The following YEATS2 variants were observed in gnomAD, a reference collection of about 807,000 sequenced individuals.
YEATS2 encodes YEATS domain containing 2.
Under a neutral mutation model 163.2 loss-of-function variants are expected in YEATS2, and 77 were observed. The observed-to-expected ratio is 0.47, with a 90% CI of 0.39 to 0.57. YEATS2 has a LOEUF of 0.57. Ranked by LOEUF, YEATS2 falls within the 20% of genes least tolerant of loss-of-function variation. The probability of loss-of-function intolerance (pLI) is 0.00; values close to 1 mark genes in which losing one functional copy is unlikely to be tolerated. For missense variants in YEATS2, 1,549 were observed against 1,729.8 expected, an observed-to-expected ratio of 0.90 and a Z score of 1.85; for synonymous variants, 631 against 645.1, an observed-to-expected ratio of 0.98 and a Z score of 0.33.
rs145751402 is a variant in YEATS2 at position 183,791,222 on chromosome 3, A to T, written c.3097+242A>T. On this transcript the variant is annotated intron_variant, in intron 21 of 30. Coordinates refer to ENST00000305135, the MANE Select transcript of YEATS2 (RefSeq NM_018023.5). ...CTAATTTTTTGTGTTTTTGGTAGAG[A>T]TGGGGTTTCACCACGTTGCCCAGGC... 3.3e-5 allele frequency among the ~76,000 whole-genome samples: 5 copies of T among 152,234 alleles called. No homozygotes were observed. The East Asian group carries it at 9.7e-4, about 29-fold the overall frequency.
At position 183,811,875 on chromosome 3, in the gene YEATS2, G is replaced by T. The variant is rs542965426; in HGVS notation, c.*1292G>T. 1 of 152,338 alleles carries T rather than the reference G, an allele frequency of 6.6e-6. No homozygotes were observed. Among genetic ancestry groups the T allele is most frequent in the African/African-American group, 2.4e-5 (1 of 41,552 alleles). The allele number at this position is 152,338 out of a possible 1,614,324, so 9.4% of individuals were successfully genotyped here. On this transcript the variant is annotated 3_prime_UTR_variant, in exon 31 of 31. Transcript: ENST00000305135. ...AAGCAACGTAATTCCTGTTTTCATG[G>T]GTCCTGTAGATGTTTGAGTCAGGAA... is the stretch of plus-strand genomic sequence containing the variant.
At chr3:183,740,155 T>C (rs1718791829) in intron 8 of YEATS2, among the ~76,000 whole-genome samples, 2 of 148,008 alleles carry the variant, frequency 1.4e-5, no homozygotes, top group South Asian at 4.4e-4. Context: ...GAAACTACCA[T>C]CAGAGTGAAC....
chr3:183,733,078 G>A (rs1041604826), intron 7 of YEATS2, among the ~76,000 whole-genome samples: 9 of 151,028 alleles, frequency 6.0e-5, no homozygotes, highest in Admixed American at 1.3e-4. Flanking sequence ...CAGTCCTCCC[G>A]CCTTGGCTTC....
intron 8 of YEATS2, 55 bp downstream of exon 8, chr3:183,736,884 A>T: frequency 6.7e-7 from 1 of 1,495,878 alleles, no homozygotes; most frequent in Non-Finnish European, 9.2e-7. Flanking sequence ...ACCAGCTACA[A>T]TTGATCCTTG....
intron 27 of YEATS2, chr3:183,806,579 G>T: frequency 2.2e-6 from 1 of 460,932 alleles, no homozygotes; most frequent in Non-Finnish European, 4.0e-6. Flanking sequence ...AATACTCAGA[G>T]GGAGGGGGAT....
chr3:183,700,240 G>A, intron 1 of YEATS2, among the ~76,000 whole-genome samples: 1 of 152,096 alleles, frequency 6.6e-6, no homozygotes, highest in Non-Finnish European at 1.5e-5. Context: ...TCATTCAGTG[G>A]ATGCATGATA....
At chr3:183,767,131 A>G (rs1307768383) in intron 15 of YEATS2, among the ~76,000 whole-genome samples, 1 of 152,220 alleles carries the variant, frequency 6.6e-6, no homozygotes, top group African/African-American at 2.4e-5. Flanking sequence ...GAAGGAAGGT[A>G]GGGAGGTAGT....
chr3:183,797,703 G>A (rs1425996907), intron 21 of YEATS2, among the ~76,000 whole-genome samples: 1 of 152,166 alleles, frequency 6.6e-6, no homozygotes, highest in African/African-American at 2.4e-5. Flanking sequence ...GCGACAGAGC[G>A]AGACTCCATC....
intron 30 of YEATS2, 197 bp downstream of exon 30, chr3:183,809,367 G>A: frequency 1.8e-6 from 1 of 552,176 alleles, no homozygotes; most frequent in Non-Finnish European, 3.2e-6. Flanking sequence ...AGCTCACTCA[G>A]CTTTGCTCAG....
intron 27 of YEATS2, among the ~76,000 whole-genome samples, chr3:183,805,732 C>G (rs984726020): frequency 6.6e-6 from 1 of 151,780 alleles, no homozygotes; most frequent in Non-Finnish European, 1.5e-5. Flanking sequence ...GAGGCTGCAG[C>G]GAGCTGTAAT....
Position 183,727,168 on chromosome 3 carries a change from G to A in YEATS2, c.651-1522G>A, listed in dbSNP as rs113368317. Among the ~76,000 whole-genome samples, 103 of 151,920 alleles carry A rather than the reference G, an allele frequency of 6.8e-4. 1 individual carries two copies. In the East Asian group the frequency reaches 0.012, roughly 17 times the overall value. On this transcript the variant is annotated intron_variant, in intron 6 of 30. Coordinates refer to ENST00000305135, the MANE Select transcript of YEATS2 (RefSeq NM_018023.5). ...TTGATTGATGAATACATTGATATACGTATGAAAGGAAAAAATAAACATAAC... is the reference window on the plus strand; with the variant it reads ...TTGATTGATGAATACATTGATATACATATGAAAGGAAAAAATAAACATAAC...
intron 18 of YEATS2, 87 bp from the exon 19 acceptor site, chr3:183,777,455 G>C (rs1026471890): frequency 1.5e-6 from 2 of 1,370,954 alleles, no homozygotes; most frequent in Admixed American, 4.5e-5. Flanking sequence ...TGTAACATGG[G>C]ACGTTACATG....
chr3:183,714,215 A>G (rs530440154), intron 1 of YEATS2, among the ~76,000 whole-genome samples: 4 of 135,208 alleles, frequency 3.0e-5, no homozygotes, highest in Admixed American at 1.5e-4. Flanking sequence ...TTTTTTTTTG[A>G]GATGGAGTCT....
In YEATS2 at chr3:183,702,215, C is replaced by T. The variant is rs190698119; in HGVS notation, c.-20+4222C>T. 7.8e-3 allele frequency among the ~76,000 whole-genome samples: 1,188 copies of T among 152,168 alleles called. 10 individuals are homozygous for T. The highest frequency in any genetic ancestry group is 8.6e-3 in the Non-Finnish European group (586 of 67,998). ...GTCCCAGCACTTTGGGAGGCCAAGG[C>T]GGGTGGATCATTTGAGGTCAAGCGT... On this transcript the variant is annotated intron_variant, in intron 1 of 30. Transcript: ENST00000305135.
At chr3:183,777,898 T>A (rs1723156279) in intron 19 of YEATS2, among the ~76,000 whole-genome samples, 198 bp downstream of exon 19, 1 of 150,736 alleles carries the variant, frequency 6.6e-6, no homozygotes, top group African/African-American at 2.4e-5. Context: ...AGGTCAGGAG[T>A]TGGAGACCAG....
At chr3:183,722,947 C>T (rs762025175) in intron 5 of YEATS2, among the ~76,000 whole-genome samples, 13 of 152,348 alleles carry the variant, frequency 8.5e-5, no homozygotes, top group South Asian at 2.1e-4. Flanking sequence ...CCACCGCGCC[C>T]GACTTAAACC....
chr3:183,710,546 G>T (rs1715092141), intron 1 of YEATS2, among the ~76,000 whole-genome samples: 1 of 152,094 alleles, frequency 6.6e-6, no homozygotes, highest in African/African-American at 2.4e-5. Context: ...AACAAGAAAA[G>T]CTTTATTCTA....
intron 9 of YEATS2, among the ~76,000 whole-genome samples, 163 bp from the exon 10 acceptor site, chr3:183,751,910 T>G (rs375599820): frequency 8.3e-4 from 126 of 152,362 alleles, no homozygotes; most frequent in African/African-American, 2.7e-3. Flanking sequence ...CAGATTAGAT[T>G]ACCTTCTAGA....
intron 1 of YEATS2, among the ~76,000 whole-genome samples, chr3:183,714,913 C>CT (rs999638925): frequency 0.027 from 3,790 of 140,374 alleles, 155 homozygotes; most frequent in African/African-American, 0.09. Context: ...ATTATGATTT[C>CT]TTTTTTTTTT....
Sources: gnomAD v4.1 joint callset for allele counts (sites outside exome capture counted in the v4.1 genomes callset) on GRCh38, gnomAD v4.1.1 for gene constraint, MANE v1.5 for transcripts, NCBI Gene and HGNC (gene_info 2026-07-23, HGNC 2026-07-21) for gene names.